Variants in CUX1 observed in about 807,000 individuals in gnomAD.
CUX1 encodes protein CASP.
Under a neutral mutation model 158.8 loss-of-function variants are expected in CUX1, and 31 were observed. The ratio of observed to expected loss-of-function variants is 0.20; its 90% confidence interval spans 0.15 to 0.26. The LOEUF is 0.26. Among genes scored for constraint, CUX1 ranks in the 10% least tolerant of loss-of-function variants. The pLI is 1.00. For missense variants in CUX1, 1,589 were observed against 2,014.6 expected, an observed-to-expected ratio of 0.79 and a Z score of 4.04; for synonymous variants, 879 against 862.1, an observed-to-expected ratio of 1.02 and a Z score of -0.34.
chr7:101,911,582 G>A (rs1035761500), intron 1 of CUX1, among the ~76,000 whole-genome samples: 5 of 144,320 alleles, frequency 3.5e-5, no homozygotes, highest in Admixed American at 6.9e-5. Context: ...GAGCCTTGGC[G>A]TTGACCTTGG....
At chr7:102,274,593 G>T (rs1422463559) in intron 16 of CUX1, among the ~76,000 whole-genome samples, 3 of 152,206 alleles carry the variant, frequency 2.0e-5, no homozygotes, top group African/African-American at 7.2e-5. Flanking sequence ...TCCAGCCTGG[G>T]CGACAGACCG....
chr7:102,166,716 G>A (rs1465580564), intron 9 of CUX1, among the ~76,000 whole-genome samples: 2 of 152,184 alleles, frequency 1.3e-5, no homozygotes, highest in Non-Finnish European at 2.9e-5. Flanking sequence ...CATTAGGCCT[G>A]TTTTTAGTTT....
At chr7:102,027,241 C>A (rs577285578) in intron 2 of CUX1, among the ~76,000 whole-genome samples, 1 of 152,096 alleles carries the variant, frequency 6.6e-6, no homozygotes, top group East Asian at 1.9e-4. Context: ...AAACATTAGC[C>A]GGGCGCCTGT....
At chr7:101,927,147 AACACACACAC>A (rs10584842) in intron 2 of CUX1, among the ~76,000 whole-genome samples, 20 of 149,488 alleles carry the variant, frequency 1.3e-4, no homozygotes, top group Non-Finnish European at 2.4e-4. Flanking sequence ...CTGTCAACAC[AACACACACAC>A]ACACACACAC....
intron 8 of CUX1, among the ~76,000 whole-genome samples, chr7:102,126,179 G>C (rs908270597): frequency 7.1e-6 from 1 of 140,816 alleles, no homozygotes; most frequent in Non-Finnish European, 1.5e-5. Context: ...ATTTCCGGCT[G>C]TGTGTGTGTG....
intron 2 of CUX1, among the ~76,000 whole-genome samples, chr7:101,968,842 G>A (rs931188759): frequency 1.3e-5 from 2 of 152,080 alleles, no homozygotes; most frequent in East Asian, 1.9e-4. Flanking sequence ...AGGTGACCCC[G>A]GCTCAGCAGC....
At chr7:101,847,546 T>A (rs529139240) in intron 1 of CUX1, among the ~76,000 whole-genome samples, 3 of 152,148 alleles carry the variant, frequency 2.0e-5, no homozygotes, top group Non-Finnish European at 4.4e-5. Context: ...ATAAAACTAT[T>A]TACTGTGTAG....
At chr7:101,840,144 G>A (rs961540498) in intron 1 of CUX1, among the ~76,000 whole-genome samples, 2 of 152,214 alleles carry the variant, frequency 1.3e-5, no homozygotes, top group African/African-American at 4.8e-5. Flanking sequence ...TGTTGATTTC[G>A]AAGCTGGGAA....
At chr7:101,990,076 T>C (rs1180279760) in intron 2 of CUX1, among the ~76,000 whole-genome samples, 1 of 152,108 alleles carries the variant, frequency 6.6e-6, no homozygotes, top group Non-Finnish European at 1.5e-5. Context: ...ATAAGAGGCA[T>C]GGGCGGGTGC....
intron 3 of CUX1, among the ~76,000 whole-genome samples, chr7:102,043,064 C>A (rs1822306429): frequency 2.0e-5 from 3 of 152,152 alleles, no homozygotes; most frequent in African/African-American, 7.2e-5. Flanking sequence ...TGGGTTCAAG[C>A]CTCAGCCTCC....
At chr7:102,077,903 GTATT>G (rs1414470846) in intron 4 of CUX1, among the ~76,000 whole-genome samples, 2 of 148,608 alleles carry the variant, frequency 1.3e-5, no homozygotes, top group African/African-American at 5.0e-5. Flanking sequence ...CAATGAGTAT[GTATT>G]TATTTCTACA....
chr7:101,927,568 T>C (rs1357917624), intron 2 of CUX1, among the ~76,000 whole-genome samples: 1 of 152,102 alleles, frequency 6.6e-6, no homozygotes, highest in African/African-American at 2.4e-5. Context: ...GAGGATCCCT[T>C]GAGCCCAGGA....
intron 11 of CUX1, among the ~76,000 whole-genome samples, chr7:102,188,270 C>T (rs1475484146): frequency 6.6e-6 from 1 of 151,944 alleles, no homozygotes; most frequent in African/African-American, 2.4e-5. Context: ...GGGAAGTTAC[C>T]GGAAATGACA....
Position 102,256,009 on chromosome 7 carries a change from G to A in CUX1, c.*6967G>A. The A allele has an allele frequency of 1.0e-6, 1 of 985,456 alleles. No individual in the cohort carries two copies. Among genetic ancestry groups the A allele is most frequent in the Non-Finnish European group, 1.2e-6 (1 of 829,938 alleles). 61.0% of individuals were successfully genotyped at this position (985,456 alleles called of 1,614,324 possible). On this transcript the variant is annotated 3_prime_UTR_variant, in exon 24 of 24. Coordinates refer to ENST00000292535, the MANE Select transcript of CUX1 (RefSeq NM_181552.4). ...GACGATTCAGGTTATGAATGAGTTT[G>A]TTCACTGTAGTTCCGTTTGTTCATG...
At chr7:101,831,263 T>C (rs1276331434) in intron 1 of CUX1, among the ~76,000 whole-genome samples, 1 of 151,960 alleles carries the variant, frequency 6.6e-6, no homozygotes, top group African/African-American at 2.4e-5. Flanking sequence ...GACCAGACAG[T>C]AGGGAATCCT....
chr7:102,129,847 C>A (rs1444294526), intron 8 of CUX1, among the ~76,000 whole-genome samples: 1 of 152,144 alleles, frequency 6.6e-6, no homozygotes, highest in African/African-American at 2.4e-5. Context: ...CTGGTTCCAT[C>A]TGACTTGGAA....
chr7:102,118,771 A>C (rs1831708043), intron 8 of CUX1, among the ~76,000 whole-genome samples: 1 of 151,956 alleles, frequency 6.6e-6, no homozygotes, highest in African/African-American at 2.4e-5. Flanking sequence ...TTTTGTTTTG[A>C]GATGGAATCT....
chr7:102,087,990 T>C (rs1478018048), intron 4 of CUX1, among the ~76,000 whole-genome samples: 1 of 148,122 alleles, frequency 6.8e-6, no homozygotes, highest in Non-Finnish European at 1.5e-5. Flanking sequence ...AAAAAATACC[T>C]TAATCTCACC....
chr7:101,956,655 A>T (rs1809817179), intron 2 of CUX1, among the ~76,000 whole-genome samples: 1 of 152,352 alleles, frequency 6.6e-6, no homozygotes, highest in Admixed American at 6.5e-5. Flanking sequence ...TTAGAAATAC[A>T]GTTAAAGCCG....
Sources: allele counts gnomAD v4.1 joint callset (sites outside exome capture counted in the v4.1 genomes callset), GRCh38; gene constraint gnomAD v4.1.1; transcripts MANE v1.5; gene names NCBI Gene and HGNC (gene_info 2026-07-23, HGNC 2026-07-21).